The following ATP8B1 variants were observed in gnomAD, a reference collection of about 807,000 sequenced individuals.
ATP8B1 encodes phospholipid-transporting ATPase IC.
In ATP8B1, 80 loss-of-function variants were observed where a neutral mutation model predicts 149.9. The ratio of observed to expected loss-of-function variants is 0.53; its 90% CI spans 0.45 to 0.64. ATP8B1 has a LOEUF of 0.64. Among genes scored for constraint, ATP8B1 ranks in the 30% least tolerant of loss-of-function variants. ATP8B1 has a pLI of 0.00. For synonymous variants in ATP8B1, 536 were observed against 562.8 expected, an observed-to-expected ratio of 0.95 and a Z score of 0.67; for missense variants, 1,247 against 1,552.6, an observed-to-expected ratio of 0.80 and a Z score of 3.31.
At chr18:57,791,725 G>A (rs1369277916) in intron 1 of ATP8B1, among the ~76,000 whole-genome samples, 1 of 152,098 alleles carries the variant, frequency 6.6e-6, no homozygotes, top group South Asian at 2.1e-4. Context: ...ATTCGTCGGT[G>A]GATGCCTGGG....
chr18:57,736,260 C>T (rs2079853436), intron 1 of ATP8B1, among the ~76,000 whole-genome samples: 1 of 151,986 alleles, frequency 6.6e-6, no homozygotes, highest in Non-Finnish European at 1.5e-5. Context: ...CAAATATTTT[C>T]TCCTATTCAG....
chr18:57,743,670 G>A (rs2079939255), intron 1 of ATP8B1, among the ~76,000 whole-genome samples: 1 of 152,146 alleles, frequency 6.6e-6, no homozygotes, highest in Admixed American at 6.5e-5. Context: ...CACCGGCGCA[G>A]GTGGGAGATC....
At chr18:57,735,577 G>A (rs1393071877) in intron 1 of ATP8B1, 6 of 152,272 alleles carry the variant, frequency 3.9e-5, no homozygotes, top group South Asian at 2.1e-4. Context: ...GGGAGCTCTG[G>A]GAGCAAGGAC....
At chr18:57,730,138 C>T (rs2079746351) in intron 2 of ATP8B1, among the ~76,000 whole-genome samples, 1 of 151,884 alleles carries the variant, frequency 6.6e-6, no homozygotes, top group Non-Finnish European at 1.5e-5. Flanking sequence ...AGAATCATTG[C>T]AGAAATGGGA....
chr18:57,657,383 T>C (rs114069339), intron 22 of ATP8B1, among the ~76,000 whole-genome samples: 253 of 152,260 alleles, frequency 1.7e-3, no homozygotes, highest in African/African-American at 5.9e-3. Flanking sequence ...AAGTAACGAA[T>C]GTGAAGATAG....
At chr18:57,740,087 T>G (rs1225114265) in intron 1 of ATP8B1, among the ~76,000 whole-genome samples, 2 of 152,006 alleles carry the variant, frequency 1.3e-5, no homozygotes, top group Admixed American at 1.3e-4. Context: ...TTGTTTTTTG[T>G]TTTGTTTGTT....
intron 3 of ATP8B1, among the ~76,000 whole-genome samples, chr18:57,705,281 A>G (rs547042266): frequency 4.6e-5 from 7 of 152,338 alleles, no homozygotes; most frequent in African/African-American, 1.2e-4. Context: ...GTAGACAACA[A>G]CATGGCCAAA....
At chr18:57,679,477 A>G (rs1911814804) in intron 15 of ATP8B1, among the ~76,000 whole-genome samples, 1 of 152,160 alleles carries the variant, frequency 6.6e-6, no homozygotes, top group African/African-American at 2.4e-5. Flanking sequence ...AGAGGCAACC[A>G]GAAAGACCTT....
intron 1 of ATP8B1, among the ~76,000 whole-genome samples, chr18:57,748,209 A>G (rs565011876): frequency 1.3e-4 from 20 of 152,298 alleles, no homozygotes; most frequent in African/African-American, 4.8e-4. Flanking sequence ...GCTCTCCACT[A>G]TGTATTCGCA....
intron 1 of ATP8B1, among the ~76,000 whole-genome samples, chr18:57,777,109 CT>C (rs2080312340): frequency 1.3e-5 from 2 of 152,142 alleles, no homozygotes; most frequent in Non-Finnish European, 2.9e-5. Context: ...TCCCATGTAG[CT>C]GGGACTATAG....
At chr18:57,751,470 G>A (rs1355039215) in intron 1 of ATP8B1, among the ~76,000 whole-genome samples, 4 of 150,168 alleles carry the variant, frequency 2.7e-5, no homozygotes, top group East Asian at 3.9e-4. Flanking sequence ...AAAAAAAAGG[G>A]AATTTATTTT....
intron 21 of ATP8B1, among the ~76,000 whole-genome samples, chr18:57,662,171 C>T (rs1910496513): frequency 6.6e-6 from 1 of 152,198 alleles, no homozygotes; most frequent in African/African-American, 2.4e-5. Context: ...GGAGCTGGGA[C>T]TACAGGCGCA....
intron 1 of ATP8B1, among the ~76,000 whole-genome samples, chr18:57,796,773 G>A (rs1462696991): frequency 6.6e-6 from 1 of 152,088 alleles, no homozygotes; most frequent in African/African-American, 2.4e-5. Context: ...TGCAACCTCC[G>A]CCTCCCGGAT....
At chr18:57,711,613 GAC>G (rs749520436) in intron 2 of ATP8B1, among the ~76,000 whole-genome samples, 25 of 152,146 alleles carry the variant, frequency 1.6e-4, no homozygotes, top group Non-Finnish European at 3.1e-4. Context: ...TTTTTTAAAA[GAC>G]AAAGTCTCAC....
At chr18:57,713,200 C>CT (rs775753740) in intron 2 of ATP8B1, among the ~76,000 whole-genome samples, 5,173 of 59,096 alleles carry the variant, frequency 0.088, 155 homozygotes, top group South Asian at 0.11. Context: ...TCTTTCTTTC[C>CT]TTCCTTCCTT....
At position 57,650,362 on chromosome 18, in the gene ATP8B1, T is replaced by C. The variant is rs188965072; in HGVS notation, c.3531+5A>G. 17 of 1,612,714 alleles carry C rather than the reference T, an allele frequency of 1.1e-5. No homozygotes were observed. The Admixed American group carries it at 1.7e-4, about 16-fold the overall frequency. On this transcript the variant is annotated splice_donor_5th_base_variant and intron_variant, in intron 27 of 27. Transcript: ENST00000648908. ...AGAGTTGGGAAAGGACTATATTCTT[T>C]ATACCTTATCACTTTCTGATGGCCA...
chr18:57,792,838 T>A (rs1413313028), intron 1 of ATP8B1, among the ~76,000 whole-genome samples: 1 of 152,074 alleles, frequency 6.6e-6, no homozygotes, highest in Non-Finnish European at 1.5e-5. Context: ...ACCTCCCAAT[T>A]AGGCAAAAGA....
chr18:57,674,762 TGCC>T, intron 16 of ATP8B1, 69 bp downstream of exon 16: 2 of 1,529,840 alleles, frequency 1.3e-6, no homozygotes, highest in Non-Finnish European at 1.8e-6. Flanking sequence ...TTTATCCTGA[TGCC>T]ACTCAATACA....
chr18:57,802,885 C>T lies in ATP8B1; in HGVS notation c.-26+113G>A, dbSNP rs2080595704. The T allele has an allele frequency of 1.3e-5, 2 of 152,438 alleles. No homozygotes were observed. The highest frequency in any genetic ancestry group is 2.1e-4 in the South Asian group (1 of 4,842). 9.4% of individuals were successfully genotyped at this position (152,438 alleles called of 1,614,324 possible). ...CCGAGGGCGCTGACAGCTGCTGCCG[C>T]CGCATCCCGGATCTCCAAAGTGCGG... On this transcript the variant is annotated intron_variant, in intron 1 of 27. Transcript: ENST00000648908. This position sits in a 1 kb window ranked among gnomAD's most constrained non-coding sequence, Gnocchi z 4.9.
Sources: allele counts gnomAD v4.1 joint callset (sites outside exome capture counted in the v4.1 genomes callset), GRCh38; gene constraint gnomAD v4.1.1; non-coding constraint Gnocchi (gnomAD v3.1); transcripts MANE v1.5; gene names NCBI Gene and HGNC (gene_info 2026-07-23, HGNC 2026-07-21).